Variants in COL10A1 observed in about 807,000 individuals in gnomAD.
COL10A1 encodes the protein collagen alpha-1(X) chain.
Under a neutral mutation model 18.2 loss-of-function variants are expected in COL10A1, and 10 were observed. The ratio of observed to expected loss-of-function variants is 0.55; its 90% CI spans 0.34 to 0.93. COL10A1 has a LOEUF of 0.93. Among genes scored for constraint, COL10A1 ranks in the 40% least tolerant of loss-of-function variants. The pLI is 0.02. For missense variants in COL10A1, 897 were observed against 853.5 expected (o/e 1.05, Z -0.64); for synonymous variants, 330 against 316.6 (o/e 1.04, Z -0.45).
chr6:116,201,865 G>A, the COL10A1 span, among the ~76,000 whole-genome samples: 2 of 151,910 alleles, frequency 1.3e-5, no homozygotes, highest in African/African-American at 4.8e-5. Context: ...TCTATTTCTG[G>A]ACCAAATCAT....
rs143529958 is a variant in COL10A1, at chr6:116,144,495, G to A, written c.-16+14119C>T. 8.3e-3 allele frequency among the ~76,000 whole-genome samples: 1,231 copies of A among 147,886 alleles called. 20 individuals are homozygous for A. The highest frequency in any genetic ancestry group is 0.03 in the African/African-American group (1,167 of 39,500). On this transcript the variant is annotated intron_variant, in intron 1 of 1. Coordinates refer to the COL10A1 transcript ENST00000418500. ...CAGCCTGATGACAGAGCGAGACTCC[G>A]TCTCAAAAAAAAAAAAAAGTGTAAA...
chr6:116,121,963 T>G lies in COL10A1; in HGVS notation c.155-2A>C. On this transcript the variant is annotated splice_acceptor_variant, in intron 2 of 2. Coordinates refer to ENST00000651968, the MANE Select transcript of COL10A1 (RefSeq NM_000493.4). LOFTEE classifies it high-confidence loss of function. ...CTTGCTCTCCTCTTACTGCTATACC[T>G]AAAAGACACACCCAACACACCCACC... 1 of 1,611,028 alleles carries G rather than the reference T, an allele frequency of 6.2e-7. No homozygotes were observed. Among genetic ancestry groups the G allele is most frequent in the Non-Finnish European group, 8.5e-7 (1 of 1,179,796 alleles).
chr6:116,159,869 G>GT (rs755870658), upstream of COL10A1, among the ~76,000 whole-genome samples: 2 of 152,098 alleles, frequency 1.3e-5, no homozygotes, highest in Non-Finnish European at 2.9e-5. Context: ...TGCGATATTT[G>GT]TTTTTTTGTT....
chr6:116,138,560 A>T (rs1446831002), intron 1 of COL10A1, among the ~76,000 whole-genome samples: 1 of 151,988 alleles, frequency 6.6e-6, no homozygotes, highest in Non-Finnish European at 1.5e-5. Context: ...AAAAGCAAAT[A>T]GTGCGAATGT....
At chr6:116,150,748 G>A (rs543602225) in intron 1 of COL10A1, among the ~76,000 whole-genome samples, 7 of 152,270 alleles carry the variant, frequency 4.6e-5, no homozygotes, top group Non-Finnish European at 1.0e-4. Context: ...ATTGCTGTCT[G>A]TCATATAAGG....
chr6:116,210,001 C>T, the COL10A1 span, among the ~76,000 whole-genome samples: 1 of 151,888 alleles, frequency 6.6e-6, no homozygotes, highest in Non-Finnish European at 1.5e-5. Context: ...ATTCCATACC[C>T]AAGTTTGTTA....
At chr6:116,144,712 C>T (rs192283687) in intron 1 of COL10A1, among the ~76,000 whole-genome samples, 14 of 152,160 alleles carry the variant, frequency 9.2e-5, no homozygotes, top group African/African-American at 3.4e-4. Context: ...AGACTTCACA[C>T]CAGTAACATG....
At chr6:116,182,338 G>T in the COL10A1 span, among the ~76,000 whole-genome samples, 1 of 151,808 alleles carries the variant, frequency 6.6e-6, no homozygotes, top group Non-Finnish European at 1.5e-5. Flanking sequence ...AAATTGTGCT[G>T]CTATAAATGT....
the COL10A1 span, among the ~76,000 whole-genome samples, chr6:116,200,315 G>T: frequency 2.0e-5 from 3 of 151,952 alleles, no homozygotes; most frequent in Admixed American, 6.6e-5. Context: ...ACCAGTAAAC[G>T]TAATATGGTA....
the COL10A1 span, among the ~76,000 whole-genome samples, chr6:116,166,042 G>A: frequency 6.6e-6 from 1 of 152,168 alleles, no homozygotes; most frequent in Non-Finnish European, 1.5e-5. Context: ...ATTGCCTGGG[G>A]TCATGAAGGT....
At chr6:116,134,025 G>A (rs866847451) in intron 1 of COL10A1, among the ~76,000 whole-genome samples, 2 of 152,074 alleles carry the variant, frequency 1.3e-5, no homozygotes, top group Non-Finnish European at 2.9e-5. Context: ...CTAATCAGGC[G>A]GAAGTTTAGA....
At chr6:116,197,482 C>CT in the COL10A1 span, among the ~76,000 whole-genome samples, 2 of 152,006 alleles carry the variant, frequency 1.3e-5, no homozygotes, top group Non-Finnish European at 2.9e-5. Flanking sequence ...CCTTCACCAC[C>CT]TTTTACCTCT....
chr6:116,120,876 C>A lies in COL10A1; in HGVS notation c.1240G>T (p.Val414Phe). The change falls in exon 3 of 3, where the codon GTT (valine) becomes TTT (phenylalanine). Residue 414 changes from valine (V) to phenylalanine (F), a missense_variant. By Grantham distance (50) the Val-to-Phe change is conservative. Coordinates refer to ENST00000651968, the MANE Select transcript of COL10A1 (RefSeq NM_000493.4). ...CCTGGGAGACCAGGAGGTCCTCCAA[C>A]TCCAGGATCACCTTTTGGACCTGGT... ...GLPGPKGDPG[V>F]GGPPGLPGPV... The A allele has an allele frequency of 6.2e-7, 1 of 1,613,932 alleles. No individual in the cohort carries two copies. Among genetic ancestry groups the A allele is most frequent in the Non-Finnish European group, 8.5e-7 (1 of 1,179,914 alleles).
chr6:116,206,562 G>A, the COL10A1 span, among the ~76,000 whole-genome samples: 4 of 151,966 alleles, frequency 2.6e-5, no homozygotes, highest in African/African-American at 7.2e-5. Flanking sequence ...GTGCTCTGAA[G>A]CTTTTCAGTA....
At chr6:116,136,135 C>A (rs926445760) in intron 1 of COL10A1, among the ~76,000 whole-genome samples, 26 of 152,024 alleles carry the variant, frequency 1.7e-4, no homozygotes, top group African/African-American at 6.3e-4. Flanking sequence ...CTACTCCCTG[C>A]TTCTATGAAT....
intron 2 of COL10A1, among the ~76,000 whole-genome samples, chr6:116,123,005 A>C (rs9488842): frequency 0.26 from 39,660 of 152,116 alleles, 5,590 homozygotes; most frequent in Middle Eastern, 0.35. Context: ...TATATTATGT[A>C]TAAGTGGATA....
chr6:116,204,826 A>G, the COL10A1 span, among the ~76,000 whole-genome samples: 1 of 152,010 alleles, frequency 6.6e-6, no homozygotes, highest in African/African-American at 2.4e-5. Flanking sequence ...AACAATGAAT[A>G]GTGTGTAGTA....
intron 1 of COL10A1, among the ~76,000 whole-genome samples, chr6:116,148,278 G>C (rs189521437): frequency 1.3e-5 from 2 of 152,174 alleles, no homozygotes; most frequent in African/African-American, 4.8e-5. Flanking sequence ...TTTGAATGTT[G>C]TACCAAGCAT....
the COL10A1 span, among the ~76,000 whole-genome samples, chr6:116,167,557 A>C: frequency 6.6e-6 from 1 of 152,170 alleles, no homozygotes; most frequent in Non-Finnish European, 1.5e-5. Context: ...TTTTGATACC[A>C]GTTATTTGTA....
Sources: gnomAD v4.1 joint callset for allele counts (sites outside exome capture counted in the v4.1 genomes callset) on GRCh38, gnomAD v4.1.1 for gene constraint, MANE v1.5 for transcripts, NCBI Gene and HGNC (gene_info 2026-07-23, HGNC 2026-07-21) for gene names.